Variants in RALYL observed in about 807,000 individuals in gnomAD.
The protein encoded by RALYL is RNA-binding Raly-like protein.
In RALYL, 29 loss-of-function variants were observed where a neutral mutation model predicts 35.1. That is an observed-to-expected ratio of 0.83 (90% CI 0.61 to 1.13). The LOEUF is 1.13. Ranked by LOEUF, RALYL falls within the 50% of genes most tolerant of loss-of-function variation. The pLI, the probability that RALYL is intolerant of heterozygous loss-of-function variation, is 0.00. For missense variants in RALYL, 359 were observed against 360.4 expected, an observed-to-expected ratio of 1.00 and a Z score of 0.03; for synonymous variants, 120 against 127.6, an observed-to-expected ratio of 0.94 and a Z score of 0.40.
chr8:84,296,733 T>A (rs1056246075), intron 1 of RALYL, among the ~76,000 whole-genome samples: 5 of 148,006 alleles, frequency 3.4e-5, no homozygotes, highest in African/African-American at 1.2e-4. Context: ...AAATCTAGAG[T>A]AATTACTTGT....
intron 3 of RALYL, among the ~76,000 whole-genome samples, chr8:84,779,798 A>C (rs1817668663): frequency 6.6e-6 from 1 of 152,178 alleles, no homozygotes; most frequent in Non-Finnish European, 1.5e-5. Context: ...TCACCACTGG[A>C]CCTACGTGAG....
intron 2 of RALYL, among the ~76,000 whole-genome samples, chr8:84,615,681 G>C (rs1034683965): frequency 3.7e-5 from 5 of 134,718 alleles, no homozygotes; most frequent in African/African-American, 1.5e-4. Flanking sequence ...TGCCATGCTG[G>C]TGCGCTGCAC....
At chr8:84,849,889 TAAC>T (rs750251409) in intron 4 of RALYL, 88 bp from the exon 5 acceptor site, 3 of 678,112 alleles carry the variant, frequency 4.4e-6, no homozygotes, top group Non-Finnish European at 7.3e-6. Flanking sequence ...ATTTTAAAAG[TAAC>T]AAATTTTATG....
intron 3 of RALYL, among the ~76,000 whole-genome samples, chr8:84,783,595 C>T (rs143123957): frequency 1.8e-4 from 27 of 152,256 alleles, no homozygotes; most frequent in African/African-American, 6.0e-4. Flanking sequence ...TTCATATTCT[C>T]ATGAAAGGAG....
intron 2 of RALYL, among the ~76,000 whole-genome samples, chr8:84,773,375 C>T (rs1160727550): frequency 4.6e-5 from 7 of 152,148 alleles, no homozygotes; most frequent in Non-Finnish European, 1.0e-4. Context: ...AGAAGTTTTC[C>T]CTTTCCTTTC....
intron 2 of RALYL, among the ~76,000 whole-genome samples, chr8:84,560,625 G>A (rs2061416464): frequency 6.6e-6 from 1 of 151,782 alleles, no homozygotes; most frequent in Admixed American, 6.6e-5. Flanking sequence ...CTCTTATTTT[G>A]CATCCAAAAA....
intron 2 of RALYL, chr8:84,679,317 G>A: frequency 3.9e-6 from 1 of 256,704 alleles, no homozygotes; most frequent in South Asian, 5.4e-5. Context: ...ATACAGTGAT[G>A]TTGTTGGCTG....
intron 1 of RALYL, among the ~76,000 whole-genome samples, chr8:84,332,072 G>T (rs184152759): frequency 6.6e-6 from 1 of 151,930 alleles, no homozygotes; most frequent in African/African-American, 2.4e-5. Context: ...TTTTTTCTCT[G>T]CCTTTCACAT....
rs149675539 is a variant in RALYL at position 84,415,850 on chromosome 8, A to C, written c.-23-113449A>C. 4.1e-3 allele frequency among the ~76,000 whole-genome samples: 620 copies of C among 152,324 alleles called. 6 individuals are homozygous for C. Among genetic ancestry groups the C allele is most frequent in the African/African-American group, 0.014 (585 of 41,582 alleles). On this transcript the variant is annotated intron_variant, in intron 1 of 8. Transcript: ENST00000521268. ...TTATAGGAAATGCACTGATTCTCTA[A>C]TATTAACACAAATCCTCTTCATTCA...
intron 1 of RALYL, among the ~76,000 whole-genome samples, chr8:84,430,098 A>C (rs2046980191): frequency 6.6e-6 from 1 of 152,128 alleles, no homozygotes; most frequent in Non-Finnish European, 1.5e-5. Flanking sequence ...ACAGAAGATA[A>C]AACATTTGTT....
intron 1 of RALYL, among the ~76,000 whole-genome samples, chr8:84,293,714 C>A (rs1839218285): frequency 1.3e-5 from 2 of 152,100 alleles, no homozygotes; most frequent in Non-Finnish European, 2.9e-5. Flanking sequence ...TTATTCTTAA[C>A]AGTCTTTCTT....
chr8:84,328,912 T>A (rs1486985395), intron 1 of RALYL, among the ~76,000 whole-genome samples: 2 of 152,184 alleles, frequency 1.3e-5, no homozygotes, highest in African/African-American at 2.4e-5. Flanking sequence ...TCTAGCTGCA[T>A]CTATGTTGCT....
chr8:84,683,122 G>A (rs1273181437), intron 2 of RALYL, among the ~76,000 whole-genome samples: 3 of 152,152 alleles, frequency 2.0e-5, no homozygotes, highest in African/African-American at 2.4e-5. Context: ...TCAGGAGCAG[G>A]TTTTTCAGTT....
chr8:84,709,579 A>C (rs1388115001), intron 2 of RALYL, among the ~76,000 whole-genome samples: 2 of 151,982 alleles, frequency 1.3e-5, no homozygotes, highest in South Asian at 4.1e-4. Flanking sequence ...ACTATAGTAC[A>C]TGCAGCCCTC....
intron 2 of RALYL, chr8:84,706,124 A>G (rs1841166184): frequency 7.0e-7 from 1 of 1,438,222 alleles, no homozygotes; most frequent in African/African-American, 1.4e-5. Flanking sequence ...TTGATTTCTT[A>G]AAAGACTAAT....
chr8:84,324,851 G>A (rs1455252451), intron 1 of RALYL, among the ~76,000 whole-genome samples: 1 of 151,958 alleles, frequency 6.6e-6, no homozygotes, highest in Non-Finnish European at 1.5e-5. Context: ...TGTTACTAAT[G>A]CTTCCCTCCT....
chr8:84,910,938 T>C (rs1263656433), intron 8 of RALYL, among the ~76,000 whole-genome samples: 2 of 152,120 alleles, frequency 1.3e-5, no homozygotes, highest in Admixed American at 6.6e-5. Context: ...TTTCATTTTC[T>C]GATATTCATG....
intron 4 of RALYL, among the ~76,000 whole-genome samples, chr8:84,843,746 C>T (rs971364329): frequency 2.0e-5 from 3 of 152,158 alleles, no homozygotes; most frequent in Non-Finnish European, 4.4e-5. Flanking sequence ...ACCAAAACAG[C>T]CTGGTACTGG....
At chr8:84,625,321 G>A (rs937104222) in intron 2 of RALYL, among the ~76,000 whole-genome samples, 20 of 152,024 alleles carry the variant, frequency 1.3e-4, no homozygotes, top group African/African-American at 3.6e-4. Flanking sequence ...AAATAGCTTC[G>A]GGCAGAAGTA....
Sources: allele counts gnomAD v4.1 joint callset (sites outside exome capture counted in the v4.1 genomes callset), GRCh38; gene constraint gnomAD v4.1.1; transcripts MANE v1.5; gene names NCBI Gene and HGNC (gene_info 2026-07-23, HGNC 2026-07-21).